Variants in TMCC1 observed in about 807,000 individuals in gnomAD.
TMCC1 encodes transmembrane and coiled-coil domain family 1.
A neutral mutation model predicts 52.4 loss-of-function variants in TMCC1; 15 were observed. The observed-to-expected ratio is 0.29, with a 90% CI of 0.19 to 0.44. The LOEUF (loss-of-function observed/expected upper bound fraction) is 0.44, where lower values mean the gene tolerates loss of function less well. Ranked by LOEUF, TMCC1 falls within the 20% of genes least tolerant of loss-of-function variation. The probability of loss-of-function intolerance (pLI) is 1.00; values close to 1 mark genes in which losing one functional copy is unlikely to be tolerated. For synonymous variants in TMCC1, 279 were observed against 301.9 expected (o/e 0.92, Z 0.79); for missense variants, 503 against 806.0 (o/e 0.62, Z 4.55).
At chr3:129,800,500 T>A (rs75470187) in intron 4 of TMCC1, among the ~76,000 whole-genome samples, 151 of 152,254 alleles carry the variant, frequency 9.9e-4, no homozygotes, top group African/African-American at 3.4e-3. Flanking sequence ...TTTTTTTTTT[T>A]AATTGGATCC....
intron 4 of TMCC1, among the ~76,000 whole-genome samples, chr3:129,790,826 G>A (rs149742520): frequency 1.0e-3 from 157 of 152,234 alleles, no homozygotes; most frequent in African/African-American, 3.4e-3. Context: ...ATTATTCCAT[G>A]TTTAATATGG....
intron 4 of TMCC1, among the ~76,000 whole-genome samples, chr3:129,673,351 T>C (rs763924229): frequency 3.9e-5 from 6 of 152,186 alleles, no homozygotes; most frequent in African/African-American, 7.2e-5. Context: ...ATTGTTGCAT[T>C]TTCTTTCTGA....
intron 4 of TMCC1, among the ~76,000 whole-genome samples, chr3:129,733,182 C>T (rs539715668): frequency 1.8e-4 from 28 of 152,316 alleles, no homozygotes; most frequent in Admixed American, 1.7e-3. Context: ...TTACCCATAA[C>T]AGGCATCTTA....
chr3:129,734,081 A>G (rs1163102692), intron 4 of TMCC1, among the ~76,000 whole-genome samples: 2 of 152,238 alleles, frequency 1.3e-5, no homozygotes, highest in Non-Finnish European at 1.5e-5. Flanking sequence ...AGTATATACT[A>G]GAGAAACTCC....
At chr3:129,676,011 T>C (rs996613693) in intron 4 of TMCC1, among the ~76,000 whole-genome samples, 1 of 125,310 alleles carries the variant, frequency 8.0e-6, no homozygotes, top group African/African-American at 3.3e-5. Flanking sequence ...CACTCCAGCC[T>C]GGGCGACAGA....
At chr3:129,884,565 C>A (rs1209574248) in intron 1 of TMCC1, among the ~76,000 whole-genome samples, 1 of 152,218 alleles carries the variant, frequency 6.6e-6, no homozygotes, top group Non-Finnish European at 1.5e-5. Flanking sequence ...CAGTTCCCAT[C>A]ACACTTTCCT....
chr3:129,781,821 A>G (rs2055557147), intron 4 of TMCC1, among the ~76,000 whole-genome samples: 1 of 152,198 alleles, frequency 6.6e-6, no homozygotes. Flanking sequence ...GCAAGAACGG[A>G]TGCTGGGAGA....
chr3:129,731,573 G>A (rs934394078), intron 4 of TMCC1, among the ~76,000 whole-genome samples: 24 of 152,026 alleles, frequency 1.6e-4, no homozygotes, highest in African/African-American at 5.8e-4. Context: ...GTGAGACTCC[G>A]TCTCTAAATA....
At position 129,828,873 on chromosome 3, in the gene TMCC1, A is replaced by C. The variant is rs1320183385; in HGVS notation, c.-130-365T>G. Among the ~76,000 whole-genome samples the C allele has an allele frequency of 6.6e-6, 1 of 152,194 alleles. No individual in the cohort carries two copies. On this transcript the variant is annotated intron_variant, in intron 3 of 6. Coordinates refer to ENST00000393238, the MANE Select transcript of TMCC1 (RefSeq NM_001017395.5). This position sits in a 1 kb window ranked among gnomAD's most constrained non-coding sequence, Gnocchi z 4.1. ...ATTGCTTGGGAAATCAAGAGAAGAGACCATCCAATAGGTTTACTCTAGCTG... is the reference window on the plus strand; with the variant it reads ...ATTGCTTGGGAAATCAAGAGAAGAGCCCATCCAATAGGTTTACTCTAGCTG...
chr3:129,697,588 C>T (rs2047507994), intron 4 of TMCC1, among the ~76,000 whole-genome samples: 1 of 152,224 alleles, frequency 6.6e-6, no homozygotes, highest in African/African-American at 2.4e-5. Context: ...TTCAATTTCT[C>T]AGCAGAAAAC....
At chr3:129,739,098 G>A (rs933766768) in intron 4 of TMCC1, among the ~76,000 whole-genome samples, 1 of 152,000 alleles carries the variant, frequency 6.6e-6, no homozygotes, top group African/African-American at 2.4e-5. Context: ...ATTAAAGGCA[G>A]GAGCCACCAT....
intron 4 of TMCC1, among the ~76,000 whole-genome samples, chr3:129,726,249 T>TAGAAGGG (rs2050071805): frequency 6.6e-6 from 1 of 152,212 alleles, no homozygotes; most frequent in African/African-American, 2.4e-5. Context: ...TCGTATTTAT[T>TAGAAGGG]CAATAATTCT....
intron 2 of TMCC1, among the ~76,000 whole-genome samples, chr3:129,854,021 A>T (rs1156293826): frequency 6.6e-6 from 1 of 152,168 alleles, no homozygotes; most frequent in African/African-American, 2.4e-5. Flanking sequence ...TCACATGGAC[A>T]ACTAAATTCC....
chr3:129,891,967 T>C (rs1207717551), intron 1 of TMCC1, among the ~76,000 whole-genome samples: 1 of 152,222 alleles, frequency 6.6e-6, no homozygotes, highest in Non-Finnish European at 1.5e-5. Context: ...CATCAAATTG[T>C]AGACTACAGG....
chr3:129,719,241 T>A (rs56270696), intron 4 of TMCC1, among the ~76,000 whole-genome samples: 2,382 of 152,268 alleles, frequency 0.016, 48 homozygotes, highest in African/African-American at 0.055. Flanking sequence ...CACACCCACA[T>A]AATGAAGTTT....
intron 2 of TMCC1, among the ~76,000 whole-genome samples, chr3:129,842,333 A>G (rs187261039): frequency 1.0e-3 from 158 of 152,218 alleles, no homozygotes; most frequent in African/African-American, 3.4e-3. Context: ...GGGCTTGGTG[A>G]CATGCACCTG....
chr3:129,797,741 TCAAAA>T (rs1192814214), intron 4 of TMCC1, among the ~76,000 whole-genome samples: 1 of 152,282 alleles, frequency 6.6e-6, no homozygotes, highest in Non-Finnish European at 1.5e-5. Context: ...AGACCCTGTC[TCAAAA>T]CAAAACAAAC....
chr3:129,675,443 G>A (rs1159818104), intron 4 of TMCC1, among the ~76,000 whole-genome samples: 1 of 152,206 alleles, frequency 6.6e-6, no homozygotes, highest in Non-Finnish European at 1.5e-5. Flanking sequence ...AGACAATTAT[G>A]AGGATGAAAT....
intron 2 of TMCC1, among the ~76,000 whole-genome samples, chr3:129,872,574 C>A (rs1021187447): frequency 1.3e-5 from 2 of 152,160 alleles, no homozygotes; most frequent in Non-Finnish European, 2.9e-5. Flanking sequence ...ACAGCATCTT[C>A]CCAGTAAAAA....
Sources: allele counts gnomAD v4.1 joint callset (sites outside exome capture counted in the v4.1 genomes callset), GRCh38; gene constraint gnomAD v4.1.1; non-coding constraint Gnocchi (gnomAD v3.1); transcripts MANE v1.5; gene names NCBI Gene and HGNC (gene_info 2026-07-23, HGNC 2026-07-21).